Variants in PROKR2 observed in about 807,000 individuals in gnomAD.
PROKR2 encodes G protein-coupled receptor 73-like 1.
PROKR2 carries 26 observed loss-of-function variants against 23.4 expected under a neutral mutation model. The ratio of observed to expected loss-of-function variants is 1.11; its 90% CI spans 0.81 to 1.54. PROKR2 has a LOEUF of 1.54. Ranked by LOEUF, PROKR2 falls within the 40% of genes most tolerant of loss-of-function variation. PROKR2 has a pLI of 0.00. For missense variants in PROKR2, 453 were observed against 511.5 expected, an observed-to-expected ratio of 0.89 and a Z score of 1.10; for synonymous variants, 212 against 201.2, an observed-to-expected ratio of 1.05 and a Z score of -0.45.
At chr20:5,310,889 A>T (rs1979419715) in intron 2 of PROKR2, among the ~76,000 whole-genome samples, 2 of 152,254 alleles carry the variant, frequency 1.3e-5, no homozygotes, top group Non-Finnish European at 2.9e-5. Context: ...AAACATCGTT[A>T]TTGTGCTTAA....
chr20:5,308,192 G>GCCC (rs60181166), intron 2 of PROKR2, among the ~76,000 whole-genome samples: 2 of 106,846 alleles, frequency 1.9e-5, no homozygotes, highest in Non-Finnish European at 2.0e-5. Flanking sequence ...TTGGGAACAG[G>GCCC]CCCCCCCCCC....
Position 5,313,910 on chromosome 20 carries a change from A to C in PROKR2, c.458+2T>G. The C allele has an allele frequency of 6.2e-7, 1 of 1,613,544 alleles. No individual in the cohort carries two copies. Among genetic ancestry groups the C allele is most frequent in the Non-Finnish European group, 8.5e-7 (1 of 1,179,568 alleles). ...ACCACTCACCCCACCCACCATCCTC[A>C]CCTGTCAATGGCAATGGCCAGCAAG... is the stretch of plus-strand genomic sequence containing the variant. On this transcript the variant is annotated splice_donor_variant, in intron 2 of 2. Transcript: ENST00000678254. LOFTEE classifies it high-confidence loss of function.
intron 2 of PROKR2, among the ~76,000 whole-genome samples, chr20:5,308,280 C>T (rs919363481): frequency 6.6e-5 from 10 of 151,240 alleles, no homozygotes; most frequent in African/African-American, 2.2e-4. Context: ...TTCATAATGG[C>T]CATAATGCCC....
chr20:5,308,927 C>A (rs1176962028), intron 2 of PROKR2, among the ~76,000 whole-genome samples: 1 of 152,052 alleles, frequency 6.6e-6, no homozygotes, highest in Admixed American at 6.6e-5. Context: ...GAGGAGATAC[C>A]AAAGCAGCAT....
chr20:5,311,040 T>C (rs1446424319), intron 2 of PROKR2, among the ~76,000 whole-genome samples: 1 of 152,224 alleles, frequency 6.6e-6, no homozygotes, highest in Non-Finnish European at 1.5e-5. Context: ...CCGTAAGCAC[T>C]TGAATTTCTA....
rs1420863056 is a variant in PROKR2, at chr20:5,314,303, A to G, written c.67T>C (p.Ser23Pro). Residue 23 changes from serine (S) to proline (P), a missense_variant, in exon 2 of 3, where the codon TCC (serine) becomes CCC (proline). Transcript: ENST00000678254. ...CCATAACTGAAGTTAAAGGAGAGGG[A>G]GGAGGCATGGTCTTGGGGTGGATTA... ...NFNPPQDHAS[S>P]LSFNFSYGDY... The G allele has an allele frequency of 6.2e-7, 1 of 1,614,114 alleles. No homozygotes were observed. Among genetic ancestry groups the G allele is most frequent in the Non-Finnish European group, 8.5e-7 (1 of 1,180,016 alleles).
chr20:5,307,060 A>C (rs917706711), intron 2 of PROKR2, among the ~76,000 whole-genome samples: 3 of 152,214 alleles, frequency 2.0e-5, no homozygotes, highest in Non-Finnish European at 4.4e-5. Flanking sequence ...CCTTATCATG[A>C]GCCAGATGCT....
rs1322073968 is a variant in PROKR2 at position 5,301,515 on chromosome 20, G to C, written c.*525C>G. The stretch of plus-strand genomic sequence containing the variant: ...CCAAGTGCTGGGATTACAGGCATGA[G>C]CCATCATGCCTGGCCTATAGCCTTT... On this transcript the variant is annotated 3_prime_UTR_variant, in exon 3 of 3. Transcript: ENST00000678254. Among the ~76,000 whole-genome samples the C allele has an allele frequency of 6.6e-6, 1 of 152,248 alleles. No individual in the cohort carries two copies. Among genetic ancestry groups the C allele is most frequent in the Non-Finnish European group, 1.5e-5 (1 of 68,038 alleles).
chr20:5,314,564 C>T (rs1290348081), intron 1 of PROKR2, among the ~76,000 whole-genome samples, 187 bp from the exon 2 acceptor site: 1 of 152,160 alleles, frequency 6.6e-6, no homozygotes, highest in Non-Finnish European at 1.5e-5. Flanking sequence ...TCCCTGAGTT[C>T]CCCAAGTATA....
At chr20:5,302,895 G>T (rs1421878522) in intron 2 of PROKR2, among the ~76,000 whole-genome samples, 159 bp from the exon 3 acceptor site, 1 of 152,176 alleles carries the variant, frequency 6.6e-6, no homozygotes, top group Non-Finnish European at 1.5e-5. Context: ...ACATCATTTG[G>T]CATAGTGAAG....
chr20:5,313,403 A>G (rs1187940703), intron 2 of PROKR2, among the ~76,000 whole-genome samples: 1 of 152,236 alleles, frequency 6.6e-6, no homozygotes, highest in Non-Finnish European at 1.5e-5. Flanking sequence ...TTTTTTTATG[A>G]CATTAAAGAA....
chr20:5,310,347 C>T (rs564121479), intron 2 of PROKR2, among the ~76,000 whole-genome samples: 1 of 152,124 alleles, frequency 6.6e-6, no homozygotes, highest in Non-Finnish European at 1.5e-5. Context: ...CACATGGAAA[C>T]AGCATTGGGT....
chr20:5,303,446 G>A (rs1270593744), intron 2 of PROKR2, among the ~76,000 whole-genome samples: 2 of 152,168 alleles, frequency 1.3e-5, no homozygotes, highest in African/African-American at 4.8e-5. Flanking sequence ...GCAGGGACCA[G>A]AATCCAGGCT....
At chr20:5,307,217 T>C (rs1220014272) in intron 2 of PROKR2, among the ~76,000 whole-genome samples, 5 of 152,122 alleles carry the variant, frequency 3.3e-5, no homozygotes, top group Non-Finnish European at 5.9e-5. Context: ...TCATAGATGG[T>C]GGAAGAAAAC....
Position 5,299,941 on chromosome 20 carries a change from C to T in PROKR2, c.*2099G>A, listed in dbSNP as rs2084149963. 6.6e-6 allele frequency among the ~76,000 whole-genome samples: 1 copy of T among 152,108 alleles called. No homozygotes were observed. The highest frequency in any genetic ancestry group is 1.5e-5 in the Non-Finnish European group (1 of 68,032). On this transcript the variant is annotated 3_prime_UTR_variant, in exon 3 of 3. Transcript: ENST00000678254. The stretch of plus-strand genomic sequence containing the variant: ...TGCCGGCCTGCATTTTCTGAGAGTA[C>T]AATGATTGGGCTGAAGGTGAGTCTG...
At chr20:5,315,133 T>A (rs1403905951) in intron 1 of PROKR2, among the ~76,000 whole-genome samples, 1 of 151,044 alleles carries the variant, frequency 6.6e-6, no homozygotes, top group Non-Finnish European at 1.5e-5. Context: ...TAGACAGACA[T>A]CTGTTGAGTG....
At chr20:5,309,150 C>T (rs962722893) in intron 2 of PROKR2, among the ~76,000 whole-genome samples, 2 of 152,184 alleles carry the variant, frequency 1.3e-5, no homozygotes, top group African/African-American at 4.8e-5. Flanking sequence ...AATGGGCAGG[C>T]TCATTCTTGT....
intron 2 of PROKR2, among the ~76,000 whole-genome samples, chr20:5,313,562 A>G (rs1247412715): frequency 2.6e-5 from 4 of 152,212 alleles, no homozygotes; most frequent in Non-Finnish European, 4.4e-5. Flanking sequence ...AGCCTAGTAC[A>G]TGTTTTCCTG....
rs761425593 is a variant in PROKR2 at position 5,302,672 on chromosome 20, C to T, written c.523G>A (p.Ala175Thr). ...MNYQTASFLI[A>T]LVWMVSILIA... ...AGAATGGACACCATCCAGACCAAGG[C>T]GATCAGGAAGGAGGCCGTTTGATAA... The change falls in exon 3 of 3, where the codon GCC becomes ACC. Residue 175 changes from alanine to threonine, a missense_variant. By Grantham distance (58) the Ala-to-Thr change is moderately conservative. Coordinates refer to ENST00000678254, the MANE Select transcript of PROKR2 (RefSeq NM_144773.4). 1.3e-5 allele frequency: 21 copies of T among 1,614,004 alleles called. No homozygotes were observed. In the Middle Eastern group the frequency reaches 6.6e-4, roughly 51 times the overall value.
Sources: gnomAD v4.1 joint callset for allele counts (sites outside exome capture counted in the v4.1 genomes callset) on GRCh38, gnomAD v4.1.1 for gene constraint, MANE v1.5 for transcripts, NCBI Gene and HGNC (gene_info 2026-07-23, HGNC 2026-07-21) for gene names.